Variants in PITPNM2 observed in about 807,000 individuals in gnomAD.
PITPNM2 encodes the protein phosphatidylinositol transfer protein membrane associated 2.
A neutral mutation model predicts 132.2 loss-of-function variants in PITPNM2; 35 were observed. The ratio of observed to expected loss-of-function variants is 0.26; its 90% confidence interval spans 0.20 to 0.35. The LOEUF (loss-of-function observed/expected upper bound fraction) is 0.35, where lower values mean the gene tolerates loss of function less well. PITPNM2 is among the 10% of genes least tolerant of loss of function. The pLI is 1.00. For synonymous variants in PITPNM2, 738 were observed against 799.2 expected (o/e 0.92, Z 1.29); for missense variants, 1,332 against 1,912.0 (o/e 0.70, Z 5.66).
chr12:123,084,589 G>GGT (rs2137044569), intron 2 of PITPNM2: 1 of 152,306 alleles, frequency 6.6e-6, no homozygotes, highest in East Asian at 1.9e-4. Flanking sequence ...CCAGAGCATG[G>GGT]GTGAAGAGAC....
rs758257279 is a variant in PITPNM2 at position 122,986,857 on chromosome 12, A to C, written c.3414-28T>G. On this transcript the variant is annotated intron_variant, in intron 23 of 25. Transcript: ENST00000320201. ...GGGGGTGAGGTGTCGTCTCATGGTCACCCCTTCCTCCCTCCTGGGCCTCCC... is the reference window on the plus strand; with the variant it reads ...GGGGGTGAGGTGTCGTCTCATGGTCCCCCCTTCCTCCCTCCTGGGCCTCCC... 7.0e-6 allele frequency: 11 copies of C among 1,566,360 alleles called. No homozygotes were observed. The East Asian group carries it at 7.1e-5, about 10-fold the overall frequency.
intron 2 of PITPNM2, among the ~76,000 whole-genome samples, chr12:123,055,123 TG>T (rs2040981499): frequency 6.6e-6 from 1 of 152,114 alleles, no homozygotes; most frequent in Admixed American, 6.6e-5. Context: ...GGTCAAAAAA[TG>T]GTTGAAAACT....
intron 1 of PITPNM2, among the ~76,000 whole-genome samples, chr12:123,110,847 T>C (rs1566298052): frequency 6.6e-6 from 1 of 152,130 alleles, no homozygotes; most frequent in Admixed American, 6.5e-5. Context: ...CCCACTGGGA[T>C]TGGAGGACTT....
Position 123,034,531 on chromosome 12 carries a change from G to C in PITPNM2, c.60C>G (p.Ala20=). The C allele has an allele frequency of 6.2e-7, 1 of 1,614,168 alleles. No homozygotes were observed. Among genetic ancestry groups the C allele is most frequent in the Non-Finnish European group, 8.5e-7 (1 of 1,180,032 alleles). Residue 20 remains alanine (A), a synonymous_variant, in exon 3 of 26, where the codon GCC becomes GCG. Transcript: ENST00000320201. The stretch of plus-strand genomic sequence containing the variant: ...GACCCACCTGTATCATGTACAGCTG[G>C]GCGATGCGGTACTCCTCCACGGTCA... ...LPMTVEEYRI[A]QLYMIQKKSR... is the part of the protein sequence containing the mutation.
chr12:123,133,821 C>CATAT (rs113390732), intron 1 of PITPNM2, among the ~76,000 whole-genome samples: 5 of 150,708 alleles, frequency 3.3e-5, no homozygotes, highest in Non-Finnish European at 5.9e-5. Flanking sequence ...CACAGACACA[C>CATAT]ACACGCTCCT....
chr12:123,001,299 C>A, intron 8 of PITPNM2, 141 bp from the exon 9 acceptor site: 1 of 634,518 alleles, frequency 1.6e-6, no homozygotes, highest in Non-Finnish European at 2.8e-6. Context: ...CCTTGGGCAT[C>A]TTCCTGACCA....
At chr12:123,119,698 G>A (rs893107585) in intron 1 of PITPNM2, among the ~76,000 whole-genome samples, 2 of 151,778 alleles carry the variant, frequency 1.3e-5, no homozygotes, top group African/African-American at 2.4e-5. Flanking sequence ...AAATTTCTTC[G>A]TTCCATCCAT....
chr12:122,996,451 T>C lies in PITPNM2; in HGVS notation c.1782+7A>G, dbSNP rs1239921447. 1 of 1,612,782 alleles carries C rather than the reference T, an allele frequency of 6.2e-7. No homozygotes were observed. The highest frequency in any genetic ancestry group is 1.3e-5 in the African/African-American group (1 of 74,894). The stretch of plus-strand genomic sequence containing the variant: ...CTTGGGGACTGTCTGGGCCCCCACT[T>C]GGGTACCTGCATGCTGACCACGCTG... On this transcript the variant is annotated splice_region_variant and intron_variant, in intron 13 of 25. Transcript: ENST00000320201.
At position 123,007,460 on chromosome 12, in the gene PITPNM2, C is replaced by T. The variant is rs545444268; in HGVS notation, c.644-1912G>A. 5.7e-4 allele frequency: 259 copies of T among 455,126 alleles called. 6 individuals are homozygous for T. Among genetic ancestry groups the T allele is most frequent in the South Asian group, 3.7e-3 (240 of 64,346 alleles). 28.2% of individuals were successfully genotyped at this position (455,126 alleles called of 1,614,324 possible). On this transcript the variant is annotated intron_variant, in intron 6 of 25. Coordinates refer to ENST00000320201, the MANE Select transcript of PITPNM2 (RefSeq NM_020845.3). ...GAAGCAATCTCAGGGCATGTACCCC[C>T]GCCTCCCCTAGAGCATGCTGAGCGG...
At chr12:123,069,647 C>A (rs1266373877) in intron 2 of PITPNM2, among the ~76,000 whole-genome samples, 1 of 152,182 alleles carries the variant, frequency 6.6e-6, no homozygotes, top group Non-Finnish European at 1.5e-5. Flanking sequence ...ACCCCGGGCA[C>A]CTTGCGCCCA....
intron 1 of PITPNM2, among the ~76,000 whole-genome samples, chr12:123,122,190 C>T (rs377326741): frequency 4.0e-4 from 61 of 152,270 alleles, no homozygotes; most frequent in African/African-American, 1.3e-3. Flanking sequence ...TGGCCTGGTG[C>T]GGTGGCTCAT....
chr12:123,022,223 T>C lies in PITPNM2; in HGVS notation c.79-8181A>G, dbSNP rs1413751648. On this transcript the variant is annotated intron_variant, in intron 3 of 25. Transcript: ENST00000320201. This position sits in a 1 kb window ranked among gnomAD's most constrained non-coding sequence, Gnocchi z 4.9. ...CCTTTTTCTGGTCCTGGATCAGCCA[T>C]TGATGTCAGCACTTGGGCTAAAAGG... Among the ~76,000 whole-genome samples the C allele has an allele frequency of 6.6e-6, 1 of 152,072 alleles. No homozygotes were observed. Among genetic ancestry groups the C allele is most frequent in the Non-Finnish European group, 1.5e-5 (1 of 68,000 alleles).
rs1431206926 is a variant in PITPNM2, at chr12:123,097,315, T to A, written c.-96+13070A>T. On this transcript the variant is annotated intron_variant, in intron 2 of 25. Transcript: ENST00000320201. This position sits in a 1 kb window ranked among gnomAD's most constrained non-coding sequence, Gnocchi z 4.7. ...GCCTTGGCCTCCCAAAGTGCTGGGA[T>A]TACAGGCATGAGCCACCGCGCCCGG... is the stretch of plus-strand genomic sequence containing the variant. Among the ~76,000 whole-genome samples the A allele has an allele frequency of 6.6e-6, 1 of 152,194 alleles. No individual in the cohort carries two copies. Among genetic ancestry groups the A allele is most frequent in the African/African-American group, 2.4e-5 (1 of 41,442 alleles).
At chr12:123,074,594 CAT>C (rs2041721142) in intron 2 of PITPNM2, among the ~76,000 whole-genome samples, 2 of 151,928 alleles carry the variant, frequency 1.3e-5, no homozygotes, top group African/African-American at 4.8e-5. Flanking sequence ...ACACACCTCA[CAT>C]AGACACACAC....
chr12:123,128,275 A>C (rs2043189394), intron 1 of PITPNM2, among the ~76,000 whole-genome samples: 1 of 36,006 alleles, frequency 2.8e-5, no homozygotes, highest in Non-Finnish European at 7.8e-5. Context: ...AAAAAAAAAA[A>C]AAAAAAAAAA....
In PITPNM2 at chr12:123,078,338, G is replaced by T. The variant is rs549212886; in HGVS notation, c.-96+32047C>A. Among the ~76,000 whole-genome samples the T allele has an allele frequency of 6.6e-6, 1 of 152,146 alleles. No homozygotes were observed. Among genetic ancestry groups the T allele is most frequent in the East Asian group, 1.9e-4 (1 of 5,178 alleles). ...GGCGGGGAGGGGTACCGGCCAGACC[G>T]GTGGGCAAAAGCAGCAGCTGGTGGC... On this transcript the variant is annotated intron_variant, in intron 2 of 25. Coordinates refer to ENST00000320201, the MANE Select transcript of PITPNM2 (RefSeq NM_020845.3). The surrounding 1 kb of genome is among the most constrained non-coding windows in gnomAD (Gnocchi z 7.3).
At chr12:123,075,671 C>T (rs2041762524) in intron 2 of PITPNM2, 1 of 152,232 alleles carries the variant, frequency 6.6e-6, no homozygotes, top group Admixed American at 6.5e-5. Flanking sequence ...CAGGCTCCCA[C>T]CTCTCCAAGC....
At chr12:123,062,214 G>C (rs952923801) in intron 2 of PITPNM2, among the ~76,000 whole-genome samples, 1 of 152,148 alleles carries the variant, frequency 6.6e-6, no homozygotes, top group African/African-American at 2.4e-5. Flanking sequence ...GGGAAAGTTT[G>C]GGGTCCAGCG....
Position 122,995,673 on chromosome 12 carries a change from C to T in PITPNM2, c.1783-13G>A, listed in dbSNP as rs778526171. The T allele has an allele frequency of 2.5e-6, 4 of 1,572,510 alleles. No homozygotes were observed. The highest frequency in any genetic ancestry group is 3.4e-6 in the Non-Finnish European group (4 of 1,162,498). ...GCAGGTCATTGTCCTGGAACGGCCC[C>T]GTGGAGGCTCACTGCCAGGTGGCCG... On this transcript the variant is annotated splice_polypyrimidine_tract_variant and intron_variant, in intron 13 of 25. Coordinates refer to ENST00000320201, the MANE Select transcript of PITPNM2 (RefSeq NM_020845.3).
Sources: allele counts gnomAD v4.1 joint callset (sites outside exome capture counted in the v4.1 genomes callset), GRCh38; gene constraint gnomAD v4.1.1; non-coding constraint Gnocchi (gnomAD v3.1); transcripts MANE v1.5; gene names NCBI Gene and HGNC (gene_info 2026-07-23, HGNC 2026-07-21).